The following CNMD variants were observed in gnomAD, a reference collection of about 807,000 sequenced individuals.
CNMD encodes the protein chondromodulin, also known as leukocyte cell-derived chemotaxin 1.
In CNMD, 30 loss-of-function variants were observed where a neutral mutation model predicts 37.5. The ratio of observed to expected loss-of-function variants is 0.80; its 90% CI spans 0.60 to 1.09. CNMD has a LOEUF of 1.09. CNMD is among the 50% of genes least tolerant of loss of function. The probability of loss-of-function intolerance (pLI) is 0.00; values close to 1 mark genes in which losing one functional copy is unlikely to be tolerated. For missense variants in CNMD, 398 were observed against 423.9 expected (o/e 0.94, Z 0.54); for synonymous variants, 167 against 148.2 (o/e 1.13, Z -0.92).
Position 52,712,865 on chromosome 13 carries a change from C to T in CNMD, c.473G>A (p.Gly158Asp), listed in dbSNP as rs1459051689. 1 of 1,552,088 alleles carries T rather than the reference C, an allele frequency of 6.4e-7. No individual in the cohort carries two copies. Among genetic ancestry groups the T allele is most frequent in the Middle Eastern group, 1.7e-4 (1 of 5,822 alleles). Residue 158 changes from glycine (G) to aspartate (D), a missense_variant, in exon 5 of 7, where the codon GGC (glycine) becomes GAC (aspartate). Physicochemically the swap from Gly to Asp is moderately conservative, Grantham distance 94. Coordinates refer to ENST00000377962, the MANE Select transcript of CNMD (RefSeq NM_007015.3). ...TTCATATTTGACTGGCATGATCTTGCCTTCCTGAAAGTAAAAACGATTGCA... is the reference window on the plus strand; with the variant it reads ...TTCATATTTGACTGGCATGATCTTGTCTTCCTGAAAGTAAAAACGATTGCA... ...TKQSISSKLEGKIMPVKYEEN... is the reference protein window; with the variant it reads ...TKQSISSKLEDKIMPVKYEEN...
chr13:52,730,144 A>T (rs1355558908), intron 3 of CNMD, among the ~76,000 whole-genome samples: 1 of 152,098 alleles, frequency 6.6e-6, no homozygotes. Context: ...CCTGCAAAGG[A>T]CATGAACTCA....
rs1023329224 is a variant in CNMD at position 52,739,292 on chromosome 13, G to A, written c.73-121C>T. On this transcript the variant is annotated intron_variant, in intron 1 of 6. Coordinates refer to ENST00000377962, the MANE Select transcript of CNMD (RefSeq NM_007015.3). This position sits in a 1 kb window ranked among gnomAD's most constrained non-coding sequence, Gnocchi z 5.4. ...TGGGGAGTCGGGCGGGAAACAGCTC[G>A]CCCGGGCTCCTACGGGTGCCCCTTT... 2 of 1,213,788 alleles carry A rather than the reference G, an allele frequency of 1.6e-6. No homozygotes were observed. Among genetic ancestry groups the A allele is most frequent in the Non-Finnish European group, 1.1e-6 (1 of 912,858 alleles). The allele number at this position is 1,213,788 out of a possible 1,614,324, so 75.2% of individuals were successfully genotyped here.
chr13:52,732,463 A>C (rs534511723), intron 3 of CNMD, among the ~76,000 whole-genome samples: 9 of 152,364 alleles, frequency 5.9e-5, no homozygotes, highest in Admixed American at 5.2e-4. Flanking sequence ...TTTTGTTAAA[A>C]AATCAAAACA....
intron 3 of CNMD, among the ~76,000 whole-genome samples, chr13:52,729,763 A>G (rs1964631859): frequency 6.6e-6 from 1 of 152,182 alleles, no homozygotes; most frequent in African/African-American, 2.4e-5. Flanking sequence ...TATTCACAAA[A>G]TTAAAAGGAT....
intron 2 of CNMD, among the ~76,000 whole-genome samples, chr13:52,735,402 A>G (rs1047427397): frequency 1.3e-4 from 20 of 152,110 alleles, no homozygotes; most frequent in African/African-American, 4.3e-4. Context: ...ATAAGCTTTT[A>G]CTAGTAAAGC....
At chr13:52,723,929 CA>C (rs35719695) in intron 4 of CNMD, 67 bp downstream of exon 4, 1 of 1,009,356 alleles carries the variant, frequency 9.9e-7, no homozygotes, top group Non-Finnish European at 1.5e-6. Context: ...AAATAAAAAC[CA>C]AAAGGGTTGT....
intron 3 of CNMD, among the ~76,000 whole-genome samples, chr13:52,731,507 G>A (rs927712759): frequency 6.6e-6 from 1 of 152,160 alleles, no homozygotes; most frequent in African/African-American, 2.4e-5. Flanking sequence ...CTACTCACCA[G>A]TTCTGACTTA....
At chr13:52,723,898 AAAAAT>A in intron 4 of CNMD, 94 bp downstream of exon 4, 2 of 769,542 alleles carry the variant, frequency 2.6e-6, no homozygotes, top group Non-Finnish European at 4.4e-6. Flanking sequence ...CTGTCTCAAT[AAAAAT>A]AAAAATAAAA....
intron 3 of CNMD, among the ~76,000 whole-genome samples, chr13:52,727,184 G>C (rs562637764): frequency 6.6e-6 from 1 of 152,054 alleles, no homozygotes; most frequent in African/African-American, 2.4e-5. Flanking sequence ...CAGGAGAATC[G>C]CTTGAACTCA....
chr13:52,716,708 T>C (rs1259701734), intron 4 of CNMD, among the ~76,000 whole-genome samples: 2 of 152,228 alleles, frequency 1.3e-5, no homozygotes, highest in African/African-American at 4.8e-5. Context: ...TTGATCCATA[T>C]ACCTGTTTTG....
intron 4 of CNMD, among the ~76,000 whole-genome samples, chr13:52,713,454 C>G (rs937384632): frequency 6.6e-6 from 1 of 152,188 alleles, no homozygotes; most frequent in Non-Finnish European, 1.5e-5. Flanking sequence ...GATTTTCTTC[C>G]ACAGTGAGAT....
chr13:52,735,390 A>G (rs542596726), intron 2 of CNMD, among the ~76,000 whole-genome samples: 1 of 152,230 alleles, frequency 6.6e-6, no homozygotes, highest in East Asian at 1.9e-4. Flanking sequence ...AGAACATTGC[A>G]CATAAGCTTT....
In CNMD at chr13:52,708,688, T is replaced by G; in HGVS notation, c.637A>C (p.Arg213=). The G allele has an allele frequency of 6.2e-7, 1 of 1,600,910 alleles. No individual in the cohort carries two copies. The change falls in exon 6 of 7, where the codon AGA becomes CGA. Residue 213 remains arginine (R), a synonymous_variant. Transcript: ENST00000377962. The stretch of plus-strand genomic sequence containing the variant: ...ACAATTTTTCTTACCACTTCTCTTC[T>G]TTCCCTCTGGATTTCTGCAAAAATT... ...PTYPKEIQRE[R]REVVRKIVPT...
chr13:52,728,416 A>G (rs1248891525), intron 3 of CNMD, among the ~76,000 whole-genome samples: 1 of 152,142 alleles, frequency 6.6e-6, no homozygotes, highest in Non-Finnish European at 1.5e-5. Context: ...TTGTTAAATT[A>G]AACAGTGTTG....
intron 4 of CNMD, among the ~76,000 whole-genome samples, chr13:52,714,053 A>G (rs1964332009): frequency 6.6e-6 from 1 of 152,164 alleles, no homozygotes; most frequent in Non-Finnish European, 1.5e-5. Context: ...ACCCAGTGGT[A>G]GCCAGTGAGA....
At chr13:52,714,769 T>TCACA (rs148218573) in intron 4 of CNMD, among the ~76,000 whole-genome samples, 4 of 150,570 alleles carry the variant, frequency 2.7e-5, no homozygotes, top group Admixed American at 2.0e-4. Flanking sequence ...AGAAAGACTA[T>TCACA]CACACACACA....
At chr13:52,727,811 C>G (rs913424892) in intron 3 of CNMD, among the ~76,000 whole-genome samples, 1 of 152,038 alleles carries the variant, frequency 6.6e-6, no homozygotes, top group African/African-American at 2.4e-5. Context: ...ATGGGTGGAG[C>G]TGGGGGAATG....
intron 4 of CNMD, among the ~76,000 whole-genome samples, chr13:52,721,917 A>G (rs1330219551): frequency 1.3e-5 from 2 of 152,192 alleles, no homozygotes; most frequent in African/African-American, 4.8e-5. Flanking sequence ...GAGGAGAACA[A>G]GTTCTGGGTC....
Position 52,733,283 on chromosome 13 carries a change from T to C in CNMD, c.290A>G (p.Asn97Ser). Residue 97 changes from asparagine to serine, a missense_variant, in exon 3 of 7, where the codon AAC becomes AGC. Transcript: ENST00000377962. ...DGSMEIDAGN[N>S]LETFKMGSGA... ...ACTTCCCATTTTAAAGGTCTCCAAG[T>C]TGTTCCCAGCGTCTATTTCCATTGA... is the stretch of plus-strand genomic sequence containing the variant. The C allele has an allele frequency of 6.2e-7, 1 of 1,614,040 alleles. No homozygotes were observed.
Sources: gnomAD v4.1 joint callset for allele counts (sites outside exome capture counted in the v4.1 genomes callset) on GRCh38, gnomAD v4.1.1 for gene constraint, Gnocchi (gnomAD v3.1) non-coding constraint, MANE v1.5 for transcripts, NCBI Gene and HGNC (gene_info 2026-07-23, HGNC 2026-07-21) for gene names.